Variants in CMTR1 observed in about 807,000 individuals in gnomAD.
The protein encoded by CMTR1 is cap-specific mRNA (nucleoside-2'-O-)-methyltransferase 1.
In CMTR1, 39 loss-of-function variants were observed where a neutral mutation model predicts 107.0. The ratio of observed to expected loss-of-function variants is 0.36; its 90% CI spans 0.28 to 0.48. The LOEUF (loss-of-function observed/expected upper bound fraction) is 0.48, where lower values mean the gene tolerates loss of function less well. Ranked by LOEUF, CMTR1 falls within the 20% of genes least tolerant of loss-of-function variation. The pLI is 0.99. For synonymous variants in CMTR1, 366 were observed against 379.5 expected (o/e 0.96, Z 0.41); for missense variants, 672 against 1,064.9 (o/e 0.63, Z 5.14).
intron 2 of CMTR1, among the ~76,000 whole-genome samples, chr6:37,443,134 C>T (rs1184506900): frequency 6.6e-6 from 1 of 152,122 alleles, no homozygotes; most frequent in Non-Finnish European, 1.5e-5. Flanking sequence ...AATGCTAACC[C>T]CTGAATGTGT....
chr6:37,437,351 C>A (rs1162850658), intron 2 of CMTR1, among the ~76,000 whole-genome samples: 1 of 151,366 alleles, frequency 6.6e-6, no homozygotes, highest in Non-Finnish European at 1.5e-5. Flanking sequence ...ACAGTGAAAC[C>A]CCATCTCTAC....
chr6:37,461,229 T>G (rs865923865), intron 10 of CMTR1, among the ~76,000 whole-genome samples: 10 of 152,368 alleles, frequency 6.6e-5, no homozygotes, highest in African/African-American at 2.4e-4. Context: ...GCCTCTGTTC[T>G]GCCTTACTCT....
chr6:37,480,484 T>C lies in CMTR1; in HGVS notation c.*339T>C, dbSNP rs1761832414. 8.7e-7 allele frequency: 1 copy of C among 1,142,880 alleles called. No homozygotes were observed. The highest frequency in any genetic ancestry group is 2.2e-5 in the South Asian group (1 of 45,686). The allele number at this position is 1,142,880 out of a possible 1,614,324, so 70.8% of individuals were successfully genotyped here. A position where few individuals can be genotyped will look rare whatever the true frequency, so the allele number is the denominator to read the frequency against. On this transcript the variant is annotated 3_prime_UTR_variant, in exon 24 of 24. Transcript: ENST00000373451. ...GTGGCAGAGCTGTGGGCTCTGCTGT[T>C]CTCTCCTGCATCCTGTAGACTCACT...
At chr6:37,446,213 C>T (rs1581732142) in intron 3 of CMTR1, 78 bp from the exon 4 acceptor site, 2 of 1,447,462 alleles carry the variant, frequency 1.4e-6, no homozygotes, top group East Asian at 2.3e-5. Flanking sequence ...GGATTTAGCA[C>T]ACTGTTTGGC....
At chr6:37,470,248 G>A (rs1303145406) in intron 13 of CMTR1, among the ~76,000 whole-genome samples, 3 of 151,516 alleles carry the variant, frequency 2.0e-5, no homozygotes, top group Admixed American at 6.6e-5. Context: ...CTGGGTTCAC[G>A]CCATTCTCCT....
At chr6:37,447,543 AACTT>A (rs775388484) in intron 4 of CMTR1, among the ~76,000 whole-genome samples, 16 of 152,248 alleles carry the variant, frequency 1.1e-4, no homozygotes, top group Non-Finnish European at 2.2e-4. Flanking sequence ...AAGTTGAACT[AACTT>A]CACTAAACTC....
rs897823717 is a variant in CMTR1, at chr6:37,446,329, A to G, written c.324A>G (p.Lys108=). 3.1e-6 allele frequency: 5 copies of G among 1,614,090 alleles called. No individual in the cohort carries two copies. The African/African-American group carries it at 5.3e-5, about 17-fold the overall frequency. The change falls in exon 4 of 24, where the codon AAA becomes AAG. Residue 108 remains lysine, a synonymous_variant. Transcript: ENST00000373451. ...TCAGGGAAGGTGAAGGATTGGGTAA[A>G]TACAGCCAGGGTCGGAAGGACATCG... ...MGFREGEGLG[K]YSQGRKDIVE...
the CMTR1 span, among the ~76,000 whole-genome samples, chr6:37,426,304 TTTTTCTTTTGAATGTGACACAC>T: frequency 2.6e-5 from 4 of 152,226 alleles, no homozygotes; most frequent in African/African-American, 9.6e-5. Flanking sequence ...GTTGATTTAT[TTTTTCTTTTGAATGTGACACAC>T]TTTTCTGTTT....
chr6:37,480,394 C>T lies in CMTR1; in HGVS notation c.*249C>T. 4 of 1,320,142 alleles carry T rather than the reference C, an allele frequency of 3.0e-6. No individual in the cohort carries two copies. The highest frequency in any genetic ancestry group is 3.8e-6 in the Non-Finnish European group (4 of 1,040,554). The allele number at this position is 1,320,142 out of a possible 1,614,324, so 81.8% of individuals were successfully genotyped here. A position where few individuals can be genotyped will look rare whatever the true frequency, so the allele number is the denominator to read the frequency against. Reference sequence around the variant, plus strand: ...CTGCCAGGACTCAGCCTGAAGGAAGCTGCTCCTGAGGCAGGTATGAGGTCA... The same window carrying T: ...CTGCCAGGACTCAGCCTGAAGGAAGTTGCTCCTGAGGCAGGTATGAGGTCA... On this transcript the variant is annotated 3_prime_UTR_variant, in exon 24 of 24. Coordinates refer to ENST00000373451, the MANE Select transcript of CMTR1 (RefSeq NM_015050.3).
chr6:37,473,505 A>G lies in CMTR1; in HGVS notation c.1725A>G (p.Thr575=). The G allele has an allele frequency of 6.2e-7, 1 of 1,614,024 alleles. No individual in the cohort carries two copies. The highest frequency in any genetic ancestry group is 1.1e-5 in the South Asian group (1 of 91,054). ...TEIDIFSYKP[T]LLTSKTLEKI... ...TTGACATCTTCAGCTACAAGCCCAC[A>G]CTGCTCACCTCTAAAACCCTGGAGA... The change falls in exon 17 of 24, where the codon ACA becomes ACG. Residue 575 remains threonine, a synonymous_variant. Coordinates refer to ENST00000373451, the MANE Select transcript of CMTR1 (RefSeq NM_015050.3).
chr6:37,441,828 G>T (rs1771684010), intron 2 of CMTR1, among the ~76,000 whole-genome samples: 1 of 152,110 alleles, frequency 6.6e-6, no homozygotes, highest in Non-Finnish European at 1.5e-5. Context: ...ATTCTTAGTG[G>T]TCTGGGTTTT....
the CMTR1 span, among the ~76,000 whole-genome samples, chr6:37,427,245 C>T: frequency 1.1e-4 from 17 of 152,236 alleles, no homozygotes; most frequent in Non-Finnish European, 2.4e-4. This position sits in a 1 kb window ranked among gnomAD's most constrained non-coding sequence, Gnocchi z 4.4. Context: ...AGACGGATTC[C>T]GCCAGCACAA....
Position 37,462,109 on chromosome 6 carries a change from C to T in CMTR1, c.1325+7C>T, listed in dbSNP as rs372462143. The T allele has an allele frequency of 6.2e-7, 1 of 1,614,026 alleles. No homozygotes were observed. Among genetic ancestry groups the T allele is most frequent in the African/African-American group, 1.3e-5 (1 of 74,988 alleles). On this transcript the variant is annotated splice_region_variant and intron_variant, in intron 12 of 23. Transcript: ENST00000373451. ...GTCCTGCCAACTCAGAGAGGTGAAGCCTTTCTCTCTATATTAGCCAGATTA... is the reference window on the plus strand; with the variant it reads ...GTCCTGCCAACTCAGAGAGGTGAAGTCTTTCTCTCTATATTAGCCAGATTA...
intron 8 of CMTR1, among the ~76,000 whole-genome samples, chr6:37,455,933 GT>G (rs1761283571): frequency 6.6e-6 from 1 of 152,224 alleles, no homozygotes; most frequent in South Asian, 2.1e-4. Flanking sequence ...CTTAAATTGT[GT>G]GCTTGTCCTT....
At chr6:37,457,716 T>G (rs1761324329) in intron 8 of CMTR1, among the ~76,000 whole-genome samples, 1 of 152,144 alleles carries the variant, frequency 6.6e-6, no homozygotes, top group Admixed American at 6.5e-5. Flanking sequence ...TTGGGATTTT[T>G]TAAAAGGTGG....
chr6:37,476,461 C>T (rs1270520697), intron 20 of CMTR1, among the ~76,000 whole-genome samples: 1 of 152,174 alleles, frequency 6.6e-6, no homozygotes, highest in African/African-American at 2.4e-5. Context: ...AGTGCCAGCC[C>T]ACCTCATGAA....
intron 18 of CMTR1, 146 bp from the exon 19 acceptor site, chr6:37,475,175 G>T (rs1245742630): frequency 1.5e-6 from 1 of 676,218 alleles, no homozygotes; most frequent in Non-Finnish European, 2.7e-6. Context: ...GGAGCAGCTG[G>T]GAGGGAGACA....
chr6:37,449,124 T>C (rs1010767118), intron 4 of CMTR1, among the ~76,000 whole-genome samples: 2 of 152,088 alleles, frequency 1.3e-5, no homozygotes, highest in Non-Finnish European at 2.9e-5. Context: ...AGACTTTTTT[T>C]TAGTAGAGAC....
chr6:37,434,306 G>A (rs1017261570), intron 1 of CMTR1, among the ~76,000 whole-genome samples: 1 of 152,066 alleles, frequency 6.6e-6, no homozygotes, highest in Non-Finnish European at 1.5e-5. Context: ...TGTGATCCAG[G>A]GTTTTACGAG....
Sources: gnomAD v4.1 joint callset for allele counts (sites outside exome capture counted in the v4.1 genomes callset) on GRCh38, gnomAD v4.1.1 for gene constraint, Gnocchi (gnomAD v3.1) non-coding constraint, MANE v1.5 for transcripts, NCBI Gene and HGNC (gene_info 2026-07-23, HGNC 2026-07-21) for gene names.